Variants in CFAP44 observed in about 807,000 individuals in gnomAD.
CFAP44 encodes cilia- and flagella-associated protein 44.
A neutral mutation model predicts 216.2 loss-of-function variants in CFAP44; 134 were observed. The observed-to-expected ratio is 0.62, with a 90% CI of 0.54 to 0.72. The LOEUF is 0.72. CFAP44 is among the 30% of genes least tolerant of loss of function. The pLI is 0.00. For synonymous variants in CFAP44, 700 were observed against 727.6 expected, an observed-to-expected ratio of 0.96 and a Z score of 0.61; for missense variants, 2,035 against 2,182.1, an observed-to-expected ratio of 0.93 and a Z score of 1.34.
At position 113,337,061 on chromosome 3, in the gene CFAP44, C is replaced by T. The variant is rs185251410; in HGVS notation, c.3438-3478G>A. On this transcript the variant is annotated intron_variant, in intron 24 of 34. Coordinates refer to ENST00000393845, the MANE Select transcript of CFAP44 (RefSeq NM_001164496.2). Reference sequence around the variant, plus strand: ...GACATGGTTGTCTACACTTAAAATACCAAGAAACCTACCAAAAAAATCTTA... The same window carrying T: ...GACATGGTTGTCTACACTTAAAATATCAAGAAACCTACCAAAAAAATCTTA... Among the ~76,000 whole-genome samples, 962 of 150,444 alleles carry T rather than the reference C, an allele frequency of 6.4e-3. 4 individuals are homozygous for T. Among genetic ancestry groups the T allele is most frequent in the Non-Finnish European group, 0.01 (683 of 67,526 alleles).
Position 113,333,290 on chromosome 3 carries a change from A to G in CFAP44, c.3615+116T>C. 5.4e-6 allele frequency: 5 copies of G among 933,908 alleles called. No homozygotes were observed. In the South Asian group the frequency reaches 8.7e-5, roughly 16 times the overall value. The allele number at this position is 933,908 out of a possible 1,614,324, so 57.9% of individuals were successfully genotyped here. A position where few individuals can be genotyped will look rare whatever the true frequency, so the allele number is the denominator to read the frequency against. ...AATCATGGAAGTCTTTTCCAGTTCT[A>G]AATTTCTATGGTTATATATTCTTAT... On this transcript the variant is annotated intron_variant, in intron 25 of 34. Coordinates refer to ENST00000393845, the MANE Select transcript of CFAP44 (RefSeq NM_001164496.2).
At chr3:113,328,709 A>C (rs1950213254) in intron 26 of CFAP44, among the ~76,000 whole-genome samples, 1 of 132,798 alleles carries the variant, frequency 7.5e-6, no homozygotes, top group African/African-American at 3.9e-5. Flanking sequence ...AAAAAAAAAA[A>C]AAAAAAAAAA....
chr3:113,440,001 TCTA>T (rs1357839525), intron 1 of CFAP44, among the ~76,000 whole-genome samples: 1 of 152,206 alleles, frequency 6.6e-6, no homozygotes, highest in Non-Finnish European at 1.5e-5. Context: ...TCTAAGAAAT[TCTA>T]CACATATTAT....
At chr3:113,303,797 TC>T (rs1949960524) in intron 32 of CFAP44, 118 bp downstream of exon 32, 1 of 1,080,090 alleles carries the variant, frequency 9.3e-7, no homozygotes. Flanking sequence ...TGTTCTTGTT[TC>T]CCTTCTCAGT....
In CFAP44 at chr3:113,363,188, T is replaced by C; in HGVS notation, c.2891A>G (p.Glu964Gly). 1 of 1,612,818 alleles carries C rather than the reference T, an allele frequency of 6.2e-7. No individual in the cohort carries two copies. Among genetic ancestry groups the C allele is most frequent in the Non-Finnish European group, 8.5e-7 (1 of 1,179,596 alleles). Residue 964 changes from glutamate (E) to glycine (G), a missense_variant, in exon 21 of 35, where the codon GAA becomes GGA. Transcript: ENST00000393845. ...ALRSEFCNLL[E>G]MNEKLPKHMQ... ...ATGCTTTGGTAATTTTTCATTCATT[T>C]CTAATAGATTACAAAATTCACTCCT...
chr3:113,315,295 C>T (rs1345292045), intron 28 of CFAP44, among the ~76,000 whole-genome samples: 4 of 151,996 alleles, frequency 2.6e-5, no homozygotes, highest in African/African-American at 4.8e-5. Context: ...TAATGTCAGA[C>T]AAATAGACTT....
intron 24 of CFAP44, among the ~76,000 whole-genome samples, chr3:113,335,834 C>T (rs555489758): frequency 1.1e-4 from 17 of 152,258 alleles, no homozygotes; most frequent in Middle Eastern, 3.4e-3. Context: ...ACTGTATATG[C>T]GTGGCCATAA....
At position 113,294,841 on chromosome 3, in the gene CFAP44, CA is replaced by C. The variant is rs1216874080; in HGVS notation, c.5239-21del. The C allele has an allele frequency of 3.3e-6, 5 of 1,507,896 alleles. No individual in the cohort carries two copies. Among genetic ancestry groups the C allele is most frequent in the Non-Finnish European group, 4.4e-6 (5 of 1,135,670 alleles). 93.4% of individuals were successfully genotyped at this position (1,507,896 alleles called of 1,614,324 possible). ...CTTTTCCTACCAGGGTGGGAAGATGCAAAATAGATGTAGTGAATACGAGAAG... is the reference window on the plus strand; with the variant it reads ...CTTTTCCTACCAGGGTGGGAAGATGCAAATAGATGTAGTGAATACGAGAAG... On this transcript the variant is annotated intron_variant, in intron 33 of 34. Transcript: ENST00000393845.
chr3:113,428,406 C>T (rs763774293), intron 2 of CFAP44, among the ~76,000 whole-genome samples: 1 of 152,202 alleles, frequency 6.6e-6, no homozygotes, highest in South Asian at 2.1e-4. Context: ...GTGCTACAGA[C>T]GGAAAACTAG....
At chr3:113,369,729 A>G (rs1308488814) in intron 18 of CFAP44, among the ~76,000 whole-genome samples, 3 of 152,214 alleles carry the variant, frequency 2.0e-5, no homozygotes, top group Non-Finnish European at 4.4e-5. Context: ...AACTAAGATC[A>G]GAGCAGAACT....
At chr3:113,316,826 G>A (rs1275682681) in intron 28 of CFAP44, among the ~76,000 whole-genome samples, 3 of 149,444 alleles carry the variant, frequency 2.0e-5, no homozygotes, top group South Asian at 2.1e-4. Context: ...CCAAGATCAC[G>A]CCACTGCACT....
intron 6 of CFAP44, among the ~76,000 whole-genome samples, chr3:113,410,434 T>G (rs1170676042): frequency 1.3e-5 from 2 of 152,200 alleles, no homozygotes. Context: ...TTGCTCAGAA[T>G]GATGGTTTCC....
intron 28 of CFAP44, among the ~76,000 whole-genome samples, chr3:113,325,225 C>T (rs972239580): frequency 2.0e-5 from 3 of 150,100 alleles, no homozygotes; most frequent in African/African-American, 7.3e-5. Flanking sequence ...TGGTGTGAAC[C>T]CGAGGGCGGA....
In CFAP44 at chr3:113,426,199, T is replaced by C. The variant is rs767216492; in HGVS notation, c.332A>G (p.Tyr111Cys). Reference sequence around the variant, plus strand: ...CATCGAAGCAAGCTCCATATAATCATAGAAGAAGCTCTCTGATATTTTCTT... The same window carrying C: ...CATCGAAGCAAGCTCCATATAATCACAGAAGAAGCTCTCTGATATTTTCTT... The part of the protein sequence containing the change: ...VKKKISESFF[Y>C]DYMELASMPF... The change falls in exon 4 of 35, where the codon TAT (tyrosine) becomes TGT (cysteine). Residue 111 changes from tyrosine (Y) to cysteine (C), a missense_variant. Coordinates refer to ENST00000393845, the MANE Select transcript of CFAP44 (RefSeq NM_001164496.2). 4.3e-6 allele frequency: 7 copies of C among 1,614,170 alleles called. No individual in the cohort carries two copies. The highest frequency in any genetic ancestry group is 1.1e-5 in the South Asian group (1 of 91,088).
At chr3:113,369,386 A>C (rs1026671031) in intron 18 of CFAP44, among the ~76,000 whole-genome samples, 1 of 152,210 alleles carries the variant, frequency 6.6e-6, no homozygotes, top group Non-Finnish European at 1.5e-5. Context: ...AGTCTCTCAG[A>C]CCACAGTGCA....
chr3:113,430,977 T>C (rs1173231773), intron 2 of CFAP44, among the ~76,000 whole-genome samples: 2 of 152,262 alleles, frequency 1.3e-5, no homozygotes, highest in African/African-American at 2.4e-5. Context: ...AATTTCTTAA[T>C]AGAACTCAGA....
intron 17 of CFAP44, among the ~76,000 whole-genome samples, chr3:113,375,173 G>A (rs2107329417): frequency 6.6e-6 from 1 of 152,310 alleles, no homozygotes; most frequent in African/African-American, 2.4e-5. Context: ...CAGGGGCTGA[G>A]AGAAGGGAAG....
At chr3:113,390,805 T>C (rs1933776040) in intron 15 of CFAP44, among the ~76,000 whole-genome samples, 1 of 152,120 alleles carries the variant, frequency 6.6e-6, no homozygotes, top group Admixed American at 6.6e-5. Flanking sequence ...GAAAGATTTC[T>C]ACAATGACAA....
At position 113,333,489 on chromosome 3, in the gene CFAP44, T is replaced by C. The variant is rs1950257273; in HGVS notation, c.3532A>G (p.Thr1178Ala). Residue 1178 changes from threonine (T) to alanine (A), a missense_variant, in exon 25 of 35, where the codon ACA (threonine) becomes GCA (alanine). Physicochemically the swap from Thr to Ala is moderately conservative, Grantham distance 58. Transcript: ENST00000393845. Reference sequence around the variant, plus strand: ...TCAGGTATCTTGTAGTCTGGGGCTGTCTTCAGATTGAAATCTCCCATATAC... The same window carrying C: ...TCAGGTATCTTGTAGTCTGGGGCTGCCTTCAGATTGAAATCTCCCATATAC... ...QVYMGDFNLKTAPDYKIPEHM... is the reference protein window; with the variant it reads ...QVYMGDFNLKAAPDYKIPEHM... 1.3e-6 allele frequency: 2 copies of C among 1,537,050 alleles called. No individual in the cohort carries two copies. The highest frequency in any genetic ancestry group is 1.4e-5 in the African/African-American group (1 of 73,026).
Sources: allele counts gnomAD v4.1 joint callset (sites outside exome capture counted in the v4.1 genomes callset), GRCh38; gene constraint gnomAD v4.1.1; transcripts MANE v1.5; gene names NCBI Gene and HGNC (gene_info 2026-07-23, HGNC 2026-07-21).